XKR9: variants seen among roughly 807,000 people sequenced by gnomAD.
XKR9 encodes the protein XK related 9, also known as XK-related protein 9.
A neutral mutation model predicts 32.0 loss-of-function variants in XKR9; 32 were observed. That is an observed-to-expected ratio of 1.00 (90% CI 0.76 to 1.34). The LOEUF is 1.34. Among genes scored for constraint, XKR9 ranks in the 40% most tolerant of loss-of-function variants. The pLI, the probability that XKR9 is intolerant of heterozygous loss-of-function variation, is 0.00. For missense variants in XKR9, 546 were observed against 429.7 expected (o/e 1.27, Z -2.39); for synonymous variants, 168 against 143.4 (o/e 1.17, Z -1.22).
intron 3 of XKR9, among the ~76,000 whole-genome samples, chr8:70,691,474 G>T (rs1420408657): frequency 6.6e-6 from 1 of 152,114 alleles, no homozygotes; most frequent in East Asian, 1.9e-4. Flanking sequence ...TCTTCATCAT[G>T]AAATCTTTGC....
intron 1 of XKR9, among the ~76,000 whole-genome samples, chr8:70,670,130 C>T (rs999148001): frequency 6.6e-6 from 1 of 152,144 alleles, no homozygotes; most frequent in Non-Finnish European, 1.5e-5. Context: ...GGGGATTGGG[C>T]AGCTGCCCAG....
the XKR9 span, among the ~76,000 whole-genome samples, chr8:70,880,318 T>C: frequency 6.6e-6 from 1 of 151,982 alleles, no homozygotes; most frequent in African/African-American, 2.4e-5. Flanking sequence ...CAATTGGAAA[T>C]GAGGAAGTCA....
intron 4 of XKR9, among the ~76,000 whole-genome samples, chr8:70,712,272 C>A (rs191640731): frequency 7.2e-5 from 11 of 152,118 alleles, no homozygotes; most frequent in African/African-American, 2.2e-4. Context: ...CTGAAAATAT[C>A]TAAAAATATT....
chr8:70,900,991 T>C, the XKR9 span, among the ~76,000 whole-genome samples: 1,533 of 152,312 alleles, frequency 0.01, 24 homozygotes, highest in African/African-American at 0.035. Context: ...CATGAACTCA[T>C]CCTTTTTTAT....
intron 2 of XKR9, among the ~76,000 whole-genome samples, chr8:70,768,261 T>C (rs1012928937): frequency 1.3e-5 from 2 of 152,232 alleles, no homozygotes; most frequent in African/African-American, 4.8e-5. Context: ...TGAGTTCTAA[T>C]TTGATTGCAC....
At chr8:71,050,419 T>G in the XKR9 span, among the ~76,000 whole-genome samples, 1 of 151,892 alleles carries the variant, frequency 6.6e-6, no homozygotes, top group Non-Finnish European at 1.5e-5. Context: ...AAATCATATA[T>G]GAGGAAGATT....
the XKR9 span, among the ~76,000 whole-genome samples, chr8:71,021,663 C>T: frequency 4.6e-5 from 7 of 152,062 alleles, no homozygotes; most frequent in Middle Eastern, 3.4e-3. Flanking sequence ...CCACCATGCC[C>T]GGCCAATTTT....
At chr8:70,812,914 G>A in the XKR9 span, among the ~76,000 whole-genome samples, 8 of 152,202 alleles carry the variant, frequency 5.3e-5, no homozygotes, top group Admixed American at 2.0e-4. Flanking sequence ...GATACCAATG[G>A]CTTTCTTCAC....
At chr8:70,686,797 C>G (rs1017972394) in intron 3 of XKR9, among the ~76,000 whole-genome samples, 5 of 151,680 alleles carry the variant, frequency 3.3e-5, no homozygotes, top group African/African-American at 1.2e-4. Context: ...TCTTTGGCCT[C>G]TTTTAAAATT....
At chr8:70,928,010 G>C in the XKR9 span, among the ~76,000 whole-genome samples, 1 of 152,100 alleles carries the variant, frequency 6.6e-6, no homozygotes, top group Admixed American at 6.6e-5. Context: ...TCTATATTTT[G>C]CTTTTCTATC....
chr8:70,827,819 A>C, the XKR9 span, among the ~76,000 whole-genome samples: 1 of 152,240 alleles, frequency 6.6e-6, no homozygotes, highest in South Asian at 2.1e-4. Flanking sequence ...CTAAGAAAGA[A>C]AAAGTTTTAA....
At chr8:70,876,329 C>T in the XKR9 span, among the ~76,000 whole-genome samples, 6 of 147,552 alleles carry the variant, frequency 4.1e-5, no homozygotes, top group African/African-American at 5.0e-5. Flanking sequence ...TCAAGCAATT[C>T]TCCTCCTGAG....
At chr8:70,971,026 A>C in the XKR9 span, among the ~76,000 whole-genome samples, 1 of 152,172 alleles carries the variant, frequency 6.6e-6, no homozygotes, top group African/African-American at 2.4e-5. Flanking sequence ...TGGTACTTTT[A>C]GTTCTTTAAG....
At chr8:70,982,437 C>T in the XKR9 span, among the ~76,000 whole-genome samples, 1 of 152,116 alleles carries the variant, frequency 6.6e-6, no homozygotes, top group South Asian at 2.1e-4. Context: ...GCTGCCTCTG[C>T]TGAGTCATGC....
At chr8:70,932,662 G>A in the XKR9 span, among the ~76,000 whole-genome samples, 2 of 152,140 alleles carry the variant, frequency 1.3e-5, no homozygotes, top group East Asian at 3.9e-4. Context: ...TTCTCCCGAG[G>A]CCCTTCTCCC....
chr8:70,960,835 G>A, the XKR9 span, among the ~76,000 whole-genome samples: 2 of 150,648 alleles, frequency 1.3e-5, no homozygotes, highest in Admixed American at 1.3e-4. Context: ...TTGGCCCACC[G>A]TACTTCAGCC....
chr8:70,723,009 T>C (rs1806334474), intron 4 of XKR9, among the ~76,000 whole-genome samples: 1 of 151,914 alleles, frequency 6.6e-6, no homozygotes, highest in Non-Finnish European at 1.5e-5. Context: ...TCATTTTGTT[T>C]TCTCTAATCT....
At chr8:70,755,665 A>G (rs1807211990) in intron 2 of XKR9, among the ~76,000 whole-genome samples, 1 of 150,998 alleles carries the variant, frequency 6.6e-6, no homozygotes, top group Non-Finnish European at 1.5e-5. Context: ...AAGGACAAAA[A>G]ACCAAACACC....
At chr8:70,964,458 T>G in the XKR9 span, among the ~76,000 whole-genome samples, 1 of 152,240 alleles carries the variant, frequency 6.6e-6, no homozygotes, top group Admixed American at 6.5e-5. Context: ...GGCTCTATTT[T>G]GGTTCTATAT....
Sources: allele counts gnomAD v4.1 joint callset (sites outside exome capture counted in the v4.1 genomes callset), GRCh38; gene constraint gnomAD v4.1.1; transcripts MANE v1.5; gene names NCBI Gene and HGNC (gene_info 2026-07-23, HGNC 2026-07-21).